P4HA1: variants seen among roughly 807,000 people sequenced by gnomAD.
P4HA1 encodes prolyl 4-hydroxylase subunit alpha 1, also known as prolyl 4-hydroxylase subunit alpha-1.
In P4HA1, 24 loss-of-function variants were observed where a neutral mutation model predicts 72.8. That is an observed-to-expected ratio of 0.33 (90% confidence interval 0.24 to 0.46). The LOEUF (loss-of-function observed/expected upper bound fraction) is 0.46. Ranked by LOEUF, P4HA1 falls within the 20% of genes least tolerant of loss-of-function variation. P4HA1 has a pLI of 1.00. For missense variants in P4HA1, 446 were observed against 640.6 expected, an observed-to-expected ratio of 0.70 and a Z score of 3.28; for synonymous variants, 201 against 218.8, an observed-to-expected ratio of 0.92 and a Z score of 0.72.
Position 73,020,944 on chromosome 10 carries a change from G to A in P4HA1, c.1249-4045C>T, listed in dbSNP as rs565234114. Among the ~76,000 whole-genome samples, 9 of 152,224 alleles carry A rather than the reference G, an allele frequency of 5.9e-5. No homozygotes were observed. In the South Asian group the frequency reaches 1.7e-3, roughly 28 times the overall value. Reference sequence around the variant, plus strand: ...GAGGTCAGGAGTACGAGACCAGCCTGGCCAACATGGTAAAACCCTGTCTCT... The same window carrying A: ...GAGGTCAGGAGTACGAGACCAGCCTAGCCAACATGGTAAAACCCTGTCTCT... On this transcript the variant is annotated intron_variant, in intron 10 of 14. Transcript: ENST00000394890.
intron 14 of P4HA1, 46 bp downstream of exon 14, chr10:73,009,761 A>C: frequency 7.1e-6 from 8 of 1,130,362 alleles, no homozygotes; most frequent in Non-Finnish European, 1.1e-5. Flanking sequence ...TTCCAAAATA[A>C]GAAACAAAAA....
intron 5 of P4HA1, among the ~76,000 whole-genome samples, chr10:73,058,786 T>C (rs1398087694): frequency 6.6e-6 from 1 of 150,442 alleles, no homozygotes; most frequent in South Asian, 2.1e-4. Flanking sequence ...TTTTTTTTTT[T>C]TTTTTTTTGA....
chr10:73,027,824 G>A (rs1031815497), intron 10 of P4HA1, among the ~76,000 whole-genome samples: 9 of 128,884 alleles, frequency 7.0e-5, no homozygotes, highest in Admixed American at 1.7e-4. Context: ...AAGGAAGGGA[G>A]AGAGAGAGGA....
rs1413790099 is a variant in P4HA1, at chr10:73,028,820, A to G, written c.1248+1451T>C. 8.0e-5 allele frequency among the ~76,000 whole-genome samples: 12 copies of G among 150,446 alleles called. No homozygotes were observed. The East Asian group carries it at 1.6e-3, about 21-fold the overall frequency. On this transcript the variant is annotated intron_variant, in intron 10 of 14. Transcript: ENST00000394890. The stretch of plus-strand genomic sequence containing the variant: ...AACACTTTGGGAGGCCAAGGCAGGC[A>G]GATCACTTGAGGCCAGGAGTTCAAG...
chr10:73,046,893 AATT>A (rs1362107761), intron 8 of P4HA1, 29 bp downstream of exon 8: 10 of 1,469,258 alleles, frequency 6.8e-6, no homozygotes, highest in Non-Finnish European at 9.4e-6. Flanking sequence ...AGGTACAGTA[AATT>A]GAGGAGAAAG....
At chr10:73,045,422 A>G (rs17658374) in intron 8 of P4HA1, among the ~76,000 whole-genome samples, 2,837 of 152,154 alleles carry the variant, frequency 0.019, 70 homozygotes, top group Non-Finnish European at 0.022. Context: ...AAAAAGAAGA[A>G]TGCCTATTTG....
chr10:73,082,380 G>A (rs1364020903), intron 1 of P4HA1: 1 of 152,104 alleles, frequency 6.6e-6, no homozygotes, highest in African/African-American at 2.4e-5. Flanking sequence ...TAGCGTTTTG[G>A]TCAAATATTT....
intron 12 of P4HA1, 151 bp downstream of exon 12, chr10:73,014,073 A>C: frequency 1.7e-6 from 1 of 596,220 alleles, no homozygotes; most frequent in Admixed American, 3.2e-5. Context: ...AAAAAGTTGC[A>C]AGTGCAAAAT....
At chr10:73,013,158 T>C (rs538053120) in intron 12 of P4HA1, among the ~76,000 whole-genome samples, 24 of 152,318 alleles carry the variant, frequency 1.6e-4, no homozygotes, top group African/African-American at 3.1e-4. Flanking sequence ...TTTCCAAATA[T>C]AATACATCCC....
chr10:73,096,138 C>A (rs746096823), intron 1 of P4HA1, among the ~76,000 whole-genome samples: 1 of 152,222 alleles, frequency 6.6e-6, no homozygotes, highest in Non-Finnish European at 1.5e-5. Flanking sequence ...CTCGGCGCTA[C>A]GAGCAGAAAG....
intron 10 of P4HA1, among the ~76,000 whole-genome samples, chr10:73,026,290 G>A (rs2133054522): frequency 6.6e-6 from 1 of 152,316 alleles, no homozygotes; most frequent in Admixed American, 6.5e-5. Context: ...AGAGGCCTCA[G>A]AAATAACAAC....
intron 9 of P4HA1, among the ~76,000 whole-genome samples, chr10:73,044,738 G>T (rs1271906462): frequency 3.3e-5 from 5 of 152,210 alleles, no homozygotes; most frequent in South Asian, 2.1e-4. Flanking sequence ...TCTGAAGAAA[G>T]ATAAAAAGCA....
intron 10 of P4HA1, among the ~76,000 whole-genome samples, chr10:73,026,604 G>A (rs1044533692): frequency 1.3e-5 from 2 of 152,142 alleles, no homozygotes; most frequent in African/African-American, 4.8e-5. Flanking sequence ...AAATATACAA[G>A]TGGGATCTAA....
chr10:73,032,744 A>G (rs2133066194), intron 9 of P4HA1, among the ~76,000 whole-genome samples: 1 of 152,338 alleles, frequency 6.6e-6, no homozygotes, highest in Non-Finnish European at 1.5e-5. Context: ...ACGAAGCCAA[A>G]GCTTCCACAG....
chr10:73,081,277 G>C (rs1048973668), intron 1 of P4HA1, among the ~76,000 whole-genome samples: 1 of 152,050 alleles, frequency 6.6e-6, no homozygotes. Context: ...AACCCAAGAA[G>C]AGTCAAAGAT....
intron 5 of P4HA1, among the ~76,000 whole-genome samples, chr10:73,066,339 C>T (rs1471195087): frequency 6.6e-6 from 1 of 151,918 alleles, no homozygotes; most frequent in African/African-American, 2.4e-5. Context: ...ATAAAAAGCA[C>T]CTGAGAAAGA....
chr10:73,014,420 T>A, intron 11 of P4HA1, 131 bp from the exon 12 acceptor site: 1 of 671,224 alleles, frequency 1.5e-6, no homozygotes, highest in South Asian at 1.7e-5. Flanking sequence ...TCCCTTGTAA[T>A]GTCCAGTGCA....
chr10:73,055,103 C>T (rs1287599839), intron 5 of P4HA1, among the ~76,000 whole-genome samples: 1 of 152,128 alleles, frequency 6.6e-6, no homozygotes, highest in Non-Finnish European at 1.5e-5. Context: ...CATTGTGGTG[C>T]ATACCTGTAG....
chr10:73,065,404 C>G (rs1841396428), intron 5 of P4HA1: 1 of 152,120 alleles, frequency 6.6e-6, no homozygotes, highest in Admixed American at 6.6e-5. Context: ...CAAAGCATTT[C>G]AAAAGATAGG....
Sources: gnomAD v4.1 joint callset for allele counts (sites outside exome capture counted in the v4.1 genomes callset) on GRCh38, gnomAD v4.1.1 for gene constraint, MANE v1.5 for transcripts, NCBI Gene and HGNC (gene_info 2026-07-23, HGNC 2026-07-21) for gene names.